SCML2: variants seen among roughly 807,000 people sequenced by gnomAD.
The protein encoded by SCML2 is sex comb on midleg-like protein 2.
SCML2 carries 6 observed loss-of-function variants against 48.4 expected under a neutral mutation model. That is an observed-to-expected ratio of 0.12 (90% CI 0.07 to 0.24). The LOEUF is 0.24. Ranked by LOEUF, SCML2 falls within the 10% of genes least tolerant of loss-of-function variation. The pLI, the probability that SCML2 is intolerant of heterozygous loss-of-function variation, is 1.00. For missense variants in SCML2, 377 were observed against 528.2 expected (o/e 0.71, Z 2.81); for synonymous variants, 181 against 189.5 (o/e 0.95, Z 0.37).
chrX:18,345,572 T>G (rs1048088935), intron 1 of SCML2, among the ~76,000 whole-genome samples: 1 of 110,426 alleles, frequency 9.1e-6, no homozygotes, highest in Non-Finnish European at 1.9e-5. Context: ...TTGTATTTTT[T>G]GTAGTGACAG....
chrX:18,276,024 C>T (rs997223957), intron 7 of SCML2, among the ~76,000 whole-genome samples: 1 of 112,153 alleles, frequency 8.9e-6, no homozygotes, highest in African/African-American at 3.2e-5. Context: ...AGCAGCCGGG[C>T]GCAGTGGCTC....
At chrX:18,294,509 T>C (rs898028448) in intron 7 of SCML2, among the ~76,000 whole-genome samples, 8 of 110,997 alleles carry the variant, frequency 7.2e-5, no homozygotes, top group Non-Finnish European at 1.5e-4. Context: ...TGCAACATCA[T>C]TGCTCTAGAA....
Position 18,349,680 on chromosome X carries a change from C to T in SCML2, c.-25+4912G>A, listed in dbSNP as rs1001282490. On this transcript the variant is annotated intron_variant, in intron 1 of 14. Coordinates refer to ENST00000251900, the MANE Select transcript of SCML2 (RefSeq NM_006089.3). ...GGCATGGTTGCGCACGCCTGTAATCCCAGCTCCCCAGGAGGCTGAGGCAAG... is the reference window on the plus strand; with the variant it reads ...GGCATGGTTGCGCACGCCTGTAATCTCAGCTCCCCAGGAGGCTGAGGCAAG... 9.0e-5 allele frequency among the ~76,000 whole-genome samples: 10 copies of T among 111,504 alleles called. No individual in the cohort carries two copies. The East Asian group carries it at 2.6e-3, about 29-fold the overall frequency.
At chrX:18,341,827 C>T (rs768652699) in intron 1 of SCML2, among the ~76,000 whole-genome samples, 3 of 111,902 alleles carry the variant, frequency 2.7e-5, no homozygotes, top group East Asian at 2.8e-4. Context: ...AAAAATAAAA[C>T]GTTCTATTGT....
At chrX:18,304,416 G>A (rs866360206) in intron 7 of SCML2, among the ~76,000 whole-genome samples, 25 of 111,428 alleles carry the variant, frequency 2.2e-4, no homozygotes, top group Admixed American at 1.1e-3. Flanking sequence ...AGGAAACACC[G>A]TTACAACTAA....
chrX:18,250,774 A>G (rs1429512372), intron 11 of SCML2, among the ~76,000 whole-genome samples: 1 of 111,358 alleles, frequency 9.0e-6, no homozygotes, highest in Non-Finnish European at 1.9e-5. Flanking sequence ...AGGCTGGTGT[A>G]TTAGTCTGTT....
intron 7 of SCML2, among the ~76,000 whole-genome samples, chrX:18,289,061 AG>A (rs1376591203): frequency 8.9e-6 from 1 of 111,864 alleles, no homozygotes; most frequent in Non-Finnish European, 1.9e-5. Flanking sequence ...CCGGGGTCAG[AG>A]AAACTAGAAA....
chrX:18,324,571 T>C (rs186167274), intron 4 of SCML2, among the ~76,000 whole-genome samples: 290 of 112,173 alleles, frequency 2.6e-3, no homozygotes, highest in African/African-American at 8.7e-3. Context: ...CCCATGTGCC[T>C]TGGCTTTGGA....
intron 5 of SCML2, among the ~76,000 whole-genome samples, chrX:18,322,986 A>G (rs1347875654): frequency 8.9e-6 from 1 of 111,981 alleles, no homozygotes; most frequent in Non-Finnish European, 1.9e-5. Flanking sequence ...GCTATTGTTA[A>G]TATCTTAAAT....
At chrX:18,266,745 T>C (rs1288348750) in intron 7 of SCML2, among the ~76,000 whole-genome samples, 2 of 112,116 alleles carry the variant, frequency 1.8e-5, no homozygotes, top group African/African-American at 6.5e-5. Context: ...ACTCAAAGAC[T>C]ATGTACATGT....
chrX:18,258,647 T>C (rs1190793600), intron 9 of SCML2, among the ~76,000 whole-genome samples: 1 of 111,282 alleles, frequency 9.0e-6, no homozygotes, highest in Admixed American at 9.7e-5. Context: ...AAACGGGTCA[T>C]CTTGCTATGC....
intron 7 of SCML2, among the ~76,000 whole-genome samples, chrX:18,295,420 C>T (rs1928360838): frequency 1.8e-5 from 2 of 112,368 alleles, no homozygotes; most frequent in Admixed American, 9.4e-5. Flanking sequence ...CTGCCGCTGT[C>T]ATCTCAGCCA....
chrX:18,337,940 T>C (rs1439178508), intron 1 of SCML2, among the ~76,000 whole-genome samples: 2 of 111,670 alleles, frequency 1.8e-5, no homozygotes, highest in African/African-American at 3.3e-5. Flanking sequence ...GGAATTAAAC[T>C]AGAAATCAAT....
At position 18,257,093 on chromosome X, in the gene SCML2, A is replaced by G. The variant is rs911022335; in HGVS notation, c.1274-63T>C. ...GAGATGAGAAATACAACACTAATTAAAAAAAAAACTATCACCTTAGGAAAG... is the reference window on the plus strand; with the variant it reads ...GAGATGAGAAATACAACACTAATTAGAAAAAAAACTATCACCTTAGGAAAG... On this transcript the variant is annotated intron_variant, in intron 10 of 14. Coordinates refer to ENST00000251900, the MANE Select transcript of SCML2 (RefSeq NM_006089.3). The G allele has an allele frequency of 1.2e-5, 9 of 746,405 alleles. No individual in the cohort carries two copies. In the Admixed American group the frequency reaches 3.4e-4, roughly 29 times the overall value. 61.5% of individuals were successfully genotyped at this position (746,405 alleles called of 1,213,427 possible).
chrX:18,279,444 G>T (rs937076947), intron 7 of SCML2, among the ~76,000 whole-genome samples: 2 of 112,047 alleles, frequency 1.8e-5, no homozygotes, highest in African/African-American at 6.5e-5. Flanking sequence ...ATCAGCACAA[G>T]AACTTTGGCA....
chrX:18,267,953 T>A (rs2147483977), intron 7 of SCML2, among the ~76,000 whole-genome samples: 1 of 111,900 alleles, frequency 8.9e-6, no homozygotes, highest in South Asian at 3.7e-4. Flanking sequence ...ATTAAAAAAA[T>A]TCTTAGCTTA....
chrX:18,264,136 C>T (rs1198043866), intron 8 of SCML2, among the ~76,000 whole-genome samples: 1 of 111,354 alleles, frequency 9.0e-6, no homozygotes, highest in Admixed American at 9.6e-5. Flanking sequence ...TCCAGTTTCT[C>T]TTTCTTTTCC....
chrX:18,296,170 C>T (rs970726785), intron 7 of SCML2, among the ~76,000 whole-genome samples: 2 of 110,102 alleles, frequency 1.8e-5, no homozygotes, highest in African/African-American at 6.6e-5. Context: ...TAAAGAAGCT[C>T]GGTGAGATAC....
At chrX:18,313,850 TTTTTTTG>T (rs1929035072) in intron 6 of SCML2, among the ~76,000 whole-genome samples, 1 of 111,941 alleles carries the variant, frequency 8.9e-6, no homozygotes, top group Admixed American at 9.5e-5. Flanking sequence ...TGAGGTTTTG[TTTTTTTG>T]TTGTTGTTGT....
Sources: allele counts gnomAD v4.1 joint callset (sites outside exome capture counted in the v4.1 genomes callset), GRCh38; gene constraint gnomAD v4.1.1; transcripts MANE v1.5; gene names NCBI Gene and HGNC (gene_info 2026-07-23, HGNC 2026-07-21).